The following ARSB variants were observed in gnomAD, a reference collection of about 807,000 sequenced individuals.
The protein encoded by ARSB is N-acetylgalactosamine-4-sulfatase.
Under a neutral mutation model 50.9 loss-of-function variants are expected in ARSB, and 41 were observed. The ratio of observed to expected loss-of-function variants is 0.81; its 90% confidence interval spans 0.63 to 1.04. The LOEUF (loss-of-function observed/expected upper bound fraction) is 1.04. ARSB is among the 50% of genes least tolerant of loss of function. The pLI, the probability that ARSB is intolerant of heterozygous loss-of-function variation, is 0.00. For synonymous variants in ARSB, 269 were observed against 284.8 expected (o/e 0.94, Z 0.56); for missense variants, 672 against 693.3 (o/e 0.97, Z 0.35).
At chr5:78,926,362 G>A (rs956043132) in intron 4 of ARSB, among the ~76,000 whole-genome samples, 11 of 152,082 alleles carry the variant, frequency 7.2e-5, no homozygotes, top group Admixed American at 2.6e-4. Context: ...AGGTATGATC[G>A]TGGTTCCTGT....
intron 5 of ARSB, among the ~76,000 whole-genome samples, chr5:78,870,797 G>A (rs1325568310): frequency 3.3e-5 from 5 of 151,448 alleles, no homozygotes; most frequent in African/African-American, 1.2e-4. Context: ...TCAACATAGT[G>A]TTGGAAGTTC....
intron 4 of ARSB, among the ~76,000 whole-genome samples, chr5:78,933,133 C>T (rs142878788): frequency 6.6e-6 from 1 of 152,324 alleles, no homozygotes; most frequent in African/African-American, 2.4e-5. Context: ...AGAGGTGACA[C>T]TGCTCATCAC....
At chr5:78,816,667 A>G (rs773107967) in intron 6 of ARSB, among the ~76,000 whole-genome samples, 1 of 152,232 alleles carries the variant, frequency 6.6e-6, no homozygotes, top group South Asian at 2.1e-4. Flanking sequence ...TACAGAAGCG[A>G]GATTCTTGTT....
intron 5 of ARSB, among the ~76,000 whole-genome samples, chr5:78,851,233 G>A (rs1431596145): frequency 6.6e-6 from 1 of 152,206 alleles, no homozygotes; most frequent in Non-Finnish European, 1.5e-5. Flanking sequence ...TGCTTTGAAT[G>A]TGTCCCAGAG....
chr5:78,881,838 G>A lies in ARSB; in HGVS notation c.1142+3746C>T, dbSNP rs527417323. Among the ~76,000 whole-genome samples the A allele has an allele frequency of 1.1e-4, 17 of 152,296 alleles. 1 individual carries two copies. In the South Asian group the frequency reaches 3.3e-3, roughly 30 times the overall value. ...TTCACTGAAAAATCAGTTCACAAAA[G>A]GTGAATTAACAGGAGAAAAGGCATA... On this transcript the variant is annotated intron_variant, in intron 5 of 7. Transcript: ENST00000264914.
At chr5:78,908,440 T>C (rs1214083660) in intron 4 of ARSB, among the ~76,000 whole-genome samples, 1 of 152,110 alleles carries the variant, frequency 6.6e-6, no homozygotes, top group Non-Finnish European at 1.5e-5. Context: ...ACAATAGCGC[T>C]GTGAAGTGGA....
chr5:78,902,698 C>T (rs184614), intron 4 of ARSB, among the ~76,000 whole-genome samples: 91,635 of 151,978 alleles, frequency 0.6, 28,927 homozygotes, highest in East Asian at 0.98. Flanking sequence ...TCCATTTTTA[C>T]GAAATGTCTA....
chr5:78,811,390 A>G (rs369088015), intron 6 of ARSB, among the ~76,000 whole-genome samples: 16 of 152,236 alleles, frequency 1.1e-4, no homozygotes, highest in African/African-American at 3.6e-4. Context: ...TTCCATCAAG[A>G]GGACACAATC....
chr5:78,823,148 A>G (rs947199998), intron 6 of ARSB, among the ~76,000 whole-genome samples: 1 of 152,206 alleles, frequency 6.6e-6, no homozygotes, highest in Non-Finnish European at 1.5e-5. Context: ...ATGCTCTGAA[A>G]TTGTAGGTGT....
intron 4 of ARSB, among the ~76,000 whole-genome samples, chr5:78,892,437 G>A (rs1748354972): frequency 6.6e-6 from 1 of 151,782 alleles, no homozygotes; most frequent in Non-Finnish European, 1.5e-5. Flanking sequence ...TGCATTTTTA[G>A]TGAAGACAGG....
At chr5:78,827,278 A>T (rs1483181543) in intron 6 of ARSB, among the ~76,000 whole-genome samples, 1 of 151,982 alleles carries the variant, frequency 6.6e-6, no homozygotes, top group Non-Finnish European at 1.5e-5. Flanking sequence ...GTGCACTCTC[A>T]GCTCACTGCA....
At chr5:78,801,266 A>T (rs1743384053) in intron 6 of ARSB, among the ~76,000 whole-genome samples, 1 of 152,160 alleles carries the variant, frequency 6.6e-6, no homozygotes, top group South Asian at 2.1e-4. Context: ...CTGTCACTGG[A>T]AGGGGATAGT....
At chr5:78,887,493 A>G (rs337886) in intron 4 of ARSB, among the ~76,000 whole-genome samples, 113,516 of 152,014 alleles carry the variant, frequency 0.75, 43,948 homozygotes, top group East Asian at 1. Context: ...GCTTTGGTGG[A>G]AACAAACCAC....
chr5:78,843,890 T>C, intron 5 of ARSB, among the ~76,000 whole-genome samples: 1 of 152,236 alleles, frequency 6.6e-6, no homozygotes, highest in East Asian at 1.9e-4. Flanking sequence ...AAATATTTCA[T>C]TCCTTTATAT....
chr5:78,779,781 T>A lies in ARSB; in HGVS notation c.*616A>T, dbSNP rs1208743341. On this transcript the variant is annotated 3_prime_UTR_variant, in exon 8 of 8. Transcript: ENST00000264914. ...ATGGCTGGGGGGAAATAAATTACGATAAAAACACATTTCTTTATTTTAAAA... is the reference window on the plus strand; with the variant it reads ...ATGGCTGGGGGGAAATAAATTACGAAAAAAACACATTTCTTTATTTTAAAA... 6.5e-6 allele frequency: 1 copy of A among 153,756 alleles called. No homozygotes were observed. Among genetic ancestry groups the A allele is most frequent in the Non-Finnish European group, 1.4e-5 (1 of 69,216 alleles). 9.5% of individuals were successfully genotyped at this position (153,756 alleles called of 1,614,324 possible).
chr5:78,982,838 G>A (rs986360440), intron 1 of ARSB, among the ~76,000 whole-genome samples: 6 of 152,092 alleles, frequency 3.9e-5, no homozygotes, highest in African/African-American at 1.4e-4. Context: ...TGAGAAAACT[G>A]GAGGAAAAAA....
intron 5 of ARSB, among the ~76,000 whole-genome samples, chr5:78,840,915 TG>T (rs1324973510): frequency 2.0e-5 from 3 of 152,130 alleles, no homozygotes; most frequent in African/African-American, 7.2e-5. Context: ...AAGCTCTGAA[TG>T]GAAGTAGAAA....
chr5:78,878,861 T>C (rs1282420002), intron 5 of ARSB, among the ~76,000 whole-genome samples: 1 of 152,110 alleles, frequency 6.6e-6, no homozygotes, highest in African/African-American at 2.4e-5. Context: ...AGATTGCTTT[T>C]TTTTTTTCCT....
chr5:78,925,670 G>C (rs1240411119), intron 4 of ARSB, among the ~76,000 whole-genome samples: 2 of 152,120 alleles, frequency 1.3e-5, no homozygotes, highest in Non-Finnish European at 2.9e-5. Flanking sequence ...TCGTAAACAA[G>C]ACACTTTACT....
Sources: gnomAD v4.1 joint callset for allele counts (sites outside exome capture counted in the v4.1 genomes callset) on GRCh38, gnomAD v4.1.1 for gene constraint, MANE v1.5 for transcripts, NCBI Gene and HGNC (gene_info 2026-07-23, HGNC 2026-07-21) for gene names.